Variants in TULP4 observed in about 807,000 individuals in gnomAD.
TULP4 encodes the protein TUB like protein 4.
Under a neutral mutation model 129.0 loss-of-function variants are expected in TULP4, and 16 were observed. That is an observed-to-expected ratio of 0.12 (90% CI 0.08 to 0.19). TULP4 has a LOEUF of 0.19. Among genes scored for constraint, TULP4 ranks in the 10% least tolerant of loss-of-function variants. TULP4 has a pLI of 1.00. For missense variants in TULP4, 1,842 were observed against 2,059.1 expected (o/e 0.89, Z 2.04); for synonymous variants, 998 against 854.0 (o/e 1.17, Z -2.94).
chr6:158,393,620 C>T (rs1487662090), intron 1 of TULP4, among the ~76,000 whole-genome samples: 1 of 152,222 alleles, frequency 6.6e-6, no homozygotes, highest in Admixed American at 6.5e-5. Flanking sequence ...AGGCTTTGGG[C>T]TTGTTCCCTC....
At chr6:158,273,497 C>T (rs4710186) in intron 1 of TULP4, among the ~76,000 whole-genome samples, 23,308 of 152,170 alleles carry the variant, frequency 0.15, 2,468 homozygotes, top group East Asian at 0.43. Context: ...ACTTTGACTC[C>T]GAGGTTCAGA....
chr6:158,409,936 A>G (rs1448886312), intron 1 of TULP4, among the ~76,000 whole-genome samples: 1 of 151,944 alleles, frequency 6.6e-6, no homozygotes, highest in South Asian at 2.1e-4. Context: ...GCTCACTGCA[A>G]GCTCCGCCTC....
At chr6:158,269,184 T>C (rs1778502548) in intron 1 of TULP4, among the ~76,000 whole-genome samples, 1 of 152,144 alleles carries the variant, frequency 6.6e-6, no homozygotes, top group South Asian at 2.1e-4. Flanking sequence ...CACCAGATAA[T>C]TACACAACTT....
At chr6:158,408,555 G>A (rs886343935) in intron 1 of TULP4, among the ~76,000 whole-genome samples, 2 of 152,114 alleles carry the variant, frequency 1.3e-5, no homozygotes, top group Non-Finnish European at 2.9e-5. Context: ...TCACAACTCC[G>A]TGAGGGGTGT....
intron 1 of TULP4, among the ~76,000 whole-genome samples, chr6:158,392,532 T>C (rs1375459382): frequency 2.0e-5 from 3 of 152,158 alleles, no homozygotes; most frequent in African/African-American, 4.8e-5. Flanking sequence ...AATCACAAGA[T>C]GACTGCCATA....
intron 1 of TULP4, among the ~76,000 whole-genome samples, chr6:158,263,534 A>G (rs1248656580): frequency 2.0e-5 from 3 of 152,246 alleles, no homozygotes; most frequent in East Asian, 3.8e-4. Flanking sequence ...AATTTTGGCT[A>G]AATTAATAGG....
intron 1 of TULP4, among the ~76,000 whole-genome samples, chr6:158,257,704 C>T (rs1778274970): frequency 6.6e-6 from 1 of 152,196 alleles, no homozygotes; most frequent in African/African-American, 2.4e-5. Flanking sequence ...TGATTTGCTG[C>T]CCTTGCAGCT....
chr6:158,280,144 G>A (rs1778723768), upstream of TULP4, among the ~76,000 whole-genome samples: 2 of 152,108 alleles, frequency 1.3e-5, no homozygotes, highest in South Asian at 2.1e-4. Context: ...TTGGGCCTCA[G>A]TATGAATTTT....
intron 3 of TULP4, among the ~76,000 whole-genome samples, chr6:158,442,817 T>G (rs1778930397): frequency 2.0e-5 from 1 of 49,308 alleles, no homozygotes; most frequent in Non-Finnish European, 5.4e-5. Flanking sequence ...AATGGTTGGT[T>G]TTTTTTTTTT....
chr6:158,319,606 T>G (rs1779578045), intron 1 of TULP4, among the ~76,000 whole-genome samples: 1 of 152,228 alleles, frequency 6.6e-6, no homozygotes, highest in Non-Finnish European at 1.5e-5. Flanking sequence ...GAAAAAAATC[T>G]GAATGAAAGA....
chr6:158,281,856 G>A (rs142621012), upstream of TULP4, among the ~76,000 whole-genome samples: 3 of 152,094 alleles, frequency 2.0e-5, no homozygotes, highest in Admixed American at 1.3e-4. Context: ...TGACTCTTCC[G>A]TAGTGCTTCA....
chr6:158,263,285 C>T (rs1411928198), intron 1 of TULP4, among the ~76,000 whole-genome samples: 1 of 152,208 alleles, frequency 6.6e-6, no homozygotes, highest in Non-Finnish European at 1.5e-5. Flanking sequence ...TGGGCCTAAG[C>T]TGGGAGACTG....
chr6:158,406,654 T>C (rs1362718215), intron 1 of TULP4, among the ~76,000 whole-genome samples: 1 of 152,210 alleles, frequency 6.6e-6, no homozygotes, highest in Non-Finnish European at 1.5e-5. Context: ...TCTTCAGCAT[T>C]GTTTTATCTT....
At chr6:158,462,334 C>CAG (rs1003807477) in intron 6 of TULP4, among the ~76,000 whole-genome samples, 3 of 150,798 alleles carry the variant, frequency 2.0e-5, no homozygotes, top group South Asian at 2.1e-4. Flanking sequence ...CTTCTTGGTG[C>CAG]AGAGAGAGAG....
chr6:158,391,592 A>G (rs1308669153), intron 1 of TULP4, among the ~76,000 whole-genome samples: 1 of 152,234 alleles, frequency 6.6e-6, no homozygotes, highest in Non-Finnish European at 1.5e-5. Context: ...TCTGAGTGGC[A>G]GGGGCTTTCA....
rs181175754 is a variant in TULP4 at position 158,508,175 on chromosome 6, T to A, written c.*1481T>A. ...GTTTTTTGTTGTTGTTTTTTGTTTT[T>A]GTTTTTGTTTTTCTCAGTCTTACCT... On this transcript the variant is annotated 3_prime_UTR_variant, in exon 14 of 14. Transcript: ENST00000367097. 1 of 152,362 alleles carries A rather than the reference T, an allele frequency of 6.6e-6. No individual in the cohort carries two copies. The highest frequency in any genetic ancestry group is 2.4e-5 in the African/African-American group (1 of 41,568). The allele number at this position is 152,362 out of a possible 1,614,324, so 9.4% of individuals were successfully genotyped here.
At chr6:158,326,882 C>A (rs189196403) in intron 1 of TULP4, among the ~76,000 whole-genome samples, 412 of 152,188 alleles carry the variant, frequency 2.7e-3, no homozygotes, top group African/African-American at 9.5e-3. Context: ...CAATCAAATA[C>A]GGATCAAAAA....
Position 158,235,013 on chromosome 6 carries a change from A to G in TULP4, n.68+2710A>G, listed in dbSNP as rs575927747. 2.0e-5 allele frequency among the ~76,000 whole-genome samples: 3 copies of G among 152,180 alleles called. No homozygotes were observed. In the South Asian group the frequency reaches 6.2e-4, roughly 32 times the overall value. On this transcript the variant is annotated intron_variant and non_coding_transcript_variant, in intron 1 of 1. Coordinates refer to the TULP4 transcript ENST00000620026. ...GAAACCCTGTCTCTACTAAAAATAC[A>G]AAAATTAACCAGTTGCTGTGGCACA...
intron 6 of TULP4, among the ~76,000 whole-genome samples, chr6:158,466,216 T>C (rs1341404973): frequency 6.6e-6 from 1 of 152,214 alleles, no homozygotes; most frequent in East Asian, 1.9e-4. Context: ...ATTCAGTTTT[T>C]AAGGTTTTTC....
Sources: allele counts gnomAD v4.1 joint callset (sites outside exome capture counted in the v4.1 genomes callset), GRCh38; gene constraint gnomAD v4.1.1; transcripts MANE v1.5; gene names NCBI Gene and HGNC (gene_info 2026-07-23, HGNC 2026-07-21).